The following ABCC11 variants were observed in gnomAD, a reference collection of about 807,000 sequenced individuals.
ABCC11 encodes ATP binding cassette subfamily C member 11.
In ABCC11, 135 loss-of-function variants were observed where a neutral mutation model predicts 149.3. That is an observed-to-expected ratio of 0.90 (90% CI 0.79 to 1.04). The LOEUF (loss-of-function observed/expected upper bound fraction) is 1.04, where lower values mean the gene tolerates loss of function less well. ABCC11 is among the 50% of genes least tolerant of loss of function. ABCC11 has a pLI of 0.00. For synonymous variants in ABCC11, 665 were observed against 671.4 expected, an observed-to-expected ratio of 0.99 and a Z score of 0.15; for missense variants, 1,680 against 1,722.1, an observed-to-expected ratio of 0.98 and a Z score of 0.43.
intron 3 of ABCC11, among the ~76,000 whole-genome samples, chr16:48,229,377 C>G (rs1970280995): frequency 6.6e-6 from 1 of 150,870 alleles, no homozygotes; most frequent in African/African-American, 2.4e-5. Flanking sequence ...CAAACAAATG[C>G]AGTTTGTTGA....
At chr16:48,220,168 G>C (rs942675409) in intron 6 of ABCC11, among the ~76,000 whole-genome samples, 2 of 152,196 alleles carry the variant, frequency 1.3e-5, no homozygotes, top group Non-Finnish European at 1.5e-5. Context: ...AAGGAACCAA[G>C]CTAGGCCTTA....
Position 48,224,308 on chromosome 16 carries a change from A to C in ABCC11, c.517T>G (p.Phe173Val), listed in dbSNP as rs143669053. 2 of 1,614,226 alleles carry C rather than the reference A, an allele frequency of 1.2e-6. No individual in the cohort carries two copies. The highest frequency in any genetic ancestry group is 1.7e-6 in the Non-Finnish European group (2 of 1,180,034). The change falls in exon 5 of 30, where the codon TTC (phenylalanine) becomes GTC (valine). Residue 173 changes from phenylalanine (F) to valine (V), a missense_variant. Phe to Val is a conservative substitution (Grantham distance 50, BLOSUM62 -1). Coordinates refer to ENST00000356608, the MANE Select transcript of ABCC11 (RefSeq NM_001370497.1). ...LIFDALLGIC[F>V]CIASVLGPIL... The stretch of plus-strand genomic sequence containing the variant: ...GGCCCGAGTACACTGGCAATGCAGA[A>C]GCAGATGCCCAGAAGTGCATCGAAA...
At chr16:48,203,103 T>A in intron 14 of ABCC11, 125 bp downstream of exon 14, 1 of 1,073,082 alleles carries the variant, frequency 9.3e-7, no homozygotes, top group Non-Finnish European at 1.3e-6. Flanking sequence ...CTGCAGCAGC[T>A]GCAGGAAAAA....
chr16:48,167,053 C>G lies in ABCC11; in HGVS notation c.*221G>C. 1 of 550,506 alleles carries G rather than the reference C, an allele frequency of 1.8e-6. No individual in the cohort carries two copies. Among genetic ancestry groups the G allele is most frequent in the East Asian group, 3.0e-5 (1 of 33,538 alleles). The allele number at this position is 550,506 out of a possible 1,614,324, so 34.1% of individuals were successfully genotyped here. ...AAGGAGAACCACATGATCACTGAAT[C>G]CCATGTCTTAGATGGTTCTGGGGTT... On this transcript the variant is annotated 3_prime_UTR_variant, in exon 30 of 30. Transcript: ENST00000356608.
chr16:48,203,551 AC>A (rs747129414), intron 13 of ABCC11, among the ~76,000 whole-genome samples: 31 of 152,092 alleles, frequency 2.0e-4, no homozygotes, highest in Non-Finnish European at 3.8e-4. Flanking sequence ...CCCATCTTTG[AC>A]CTTCATTTGC....
At chr16:48,244,406 C>T (rs1400604466) in intron 1 of ABCC11, 2 of 1,570,196 alleles carry the variant, frequency 1.3e-6, no homozygotes, top group Non-Finnish European at 8.6e-7. Context: ...CAGTGAGCCC[C>T]ATCCAGATCC....
At chr16:48,215,556 CTA>C (rs1969276617) in intron 7 of ABCC11, among the ~76,000 whole-genome samples, 1 of 152,208 alleles carries the variant, frequency 6.6e-6, no homozygotes, top group Non-Finnish European at 1.5e-5. Flanking sequence ...TAGACAGAAA[CTA>C]AACCGAAATG....
In ABCC11 at chr16:48,200,451, C is replaced by A. The variant is rs759958087; in HGVS notation, c.1907G>T (p.Gly636Val). The change falls in exon 15 of 30, where the codon GGG becomes GTG. Residue 636 changes from glycine (G) to valine (V), a missense_variant. Physicochemically the swap from Gly to Val is moderately radical, Grantham distance 109. Coordinates refer to ENST00000356608, the MANE Select transcript of ABCC11 (RefSeq NM_001370497.1). ...CAGGCTGATCCTCTGTTTCTGCCCC[C>A]CAGAGAGGTTGAGGCCCCGCTCTCC... ...EIGERGLNLS[G>V]GQKQRISLAR... 5.6e-6 allele frequency: 9 copies of A among 1,614,060 alleles called. No individual in the cohort carries two copies. Among genetic ancestry groups the A allele is most frequent in the Non-Finnish European group, 8.5e-7 (1 of 1,180,036 alleles).
chr16:48,219,117 G>A (rs1052880754), intron 6 of ABCC11, among the ~76,000 whole-genome samples: 17 of 149,762 alleles, frequency 1.1e-4, no homozygotes, highest in African/African-American at 3.9e-4. Flanking sequence ...AAAATCCAAT[G>A]TTTTTTATGG....
chr16:48,206,930 C>T (rs1468231558), intron 12 of ABCC11, among the ~76,000 whole-genome samples: 1 of 152,172 alleles, frequency 6.6e-6, no homozygotes, highest in African/African-American at 2.4e-5. Context: ...CATGTAAGTA[C>T]TGAAGCTAGT....
chr16:48,240,754 A>AAAAT (rs977303275), intron 1 of ABCC11, among the ~76,000 whole-genome samples: 36 of 152,150 alleles, frequency 2.4e-4, no homozygotes, highest in African/African-American at 6.5e-4. Flanking sequence ...AGTTGAAGGA[A>AAAAT]AAATAAATAA....
chr16:48,224,701 A>G (rs1969957944), intron 4 of ABCC11, among the ~76,000 whole-genome samples: 1 of 152,150 alleles, frequency 6.6e-6, no homozygotes, highest in African/African-American at 2.4e-5. Context: ...TTCAGTATAT[A>G]TCTCTTTCAG....
At chr16:48,228,365 G>T (rs371037929) in intron 3 of ABCC11, among the ~76,000 whole-genome samples, 1 of 152,070 alleles carries the variant, frequency 6.6e-6, no homozygotes, top group African/African-American at 2.4e-5. Context: ...AGGCCGAGGA[G>T]GGTGGATCAC....
Position 48,196,269 on chromosome 16 carries a change from A to C in ABCC11, c.2367T>G (p.Ser789Arg). 1 of 1,614,060 alleles carries C rather than the reference A, an allele frequency of 6.2e-7. No individual in the cohort carries two copies. Among genetic ancestry groups the C allele is most frequent in the Non-Finnish European group, 8.5e-7 (1 of 1,180,006 alleles). Reference sequence around the variant, plus strand: ...GGATGTAGTGGTGGTAGACCCTCCAACTCAAGGAGCCTTCTTCCATCTCCT... The same window carrying C: ...GGATGTAGTGGTGGTAGACCCTCCACCTCAAGGAGCCTTCTTCCATCTCCT... ...QEEEMEEGSL[S>R]WRVYHHYIQA... Residue 789 changes from serine (S) to arginine (R), a missense_variant, in exon 18 of 30, where the codon AGT (serine) becomes AGG (arginine). By Grantham distance (110) the Ser-to-Arg change is moderately radical (BLOSUM62 -1). Transcript: ENST00000356608.
intron 12 of ABCC11, 119 bp downstream of exon 12, chr16:48,208,305 TC>T (rs1294126553): frequency 9.5e-7 from 1 of 1,055,202 alleles, no homozygotes; most frequent in Non-Finnish European, 1.4e-6. Flanking sequence ...TTTATAAAAA[TC>T]CCACTTGCTC....
chr16:48,180,514 G>A (rs778626060), intron 23 of ABCC11, among the ~76,000 whole-genome samples: 1 of 152,222 alleles, frequency 6.6e-6, no homozygotes, highest in Non-Finnish European at 1.5e-5. Context: ...TTCCCAGATG[G>A]TCGAGGCCAT....
At chr16:48,246,858 G>A (rs979179440) in intron 1 of ABCC11, among the ~76,000 whole-genome samples, 3 of 152,100 alleles carry the variant, frequency 2.0e-5, no homozygotes, top group Non-Finnish European at 4.4e-5. Context: ...ATAGGCAAGC[G>A]CCACCATACC....
intron 4 of ABCC11, among the ~76,000 whole-genome samples, chr16:48,227,251 A>C (rs1217548702): frequency 6.6e-6 from 1 of 152,158 alleles, no homozygotes; most frequent in East Asian, 1.9e-4. Flanking sequence ...AGGCAGGTGG[A>C]TCACCTGAGG....
chr16:48,238,304 A>G (rs1970782018), intron 1 of ABCC11, among the ~76,000 whole-genome samples: 1 of 152,160 alleles, frequency 6.6e-6, no homozygotes, highest in Non-Finnish European at 1.5e-5. Context: ...ATATAAACAC[A>G]CAGTTCTGTC....
Sources: allele counts gnomAD v4.1 joint callset (sites outside exome capture counted in the v4.1 genomes callset), GRCh38; gene constraint gnomAD v4.1.1; transcripts MANE v1.5; gene names NCBI Gene and HGNC (gene_info 2026-07-23, HGNC 2026-07-21).